CEP131: variants seen among roughly 807,000 people sequenced by gnomAD.
CEP131 encodes the protein centrosomal protein of 131 kDa.
A neutral mutation model predicts 136.8 loss-of-function variants in CEP131; 99 were observed. The observed-to-expected ratio is 0.72, with a 90% CI of 0.62 to 0.86. The LOEUF (loss-of-function observed/expected upper bound fraction) is 0.86, where lower values mean the gene tolerates loss of function less well. Ranked by LOEUF, CEP131 falls within the 40% of genes least tolerant of loss-of-function variation. CEP131 has a pLI of 0.00. For synonymous variants in CEP131, 646 were observed against 612.7 expected, an observed-to-expected ratio of 1.05 and a Z score of -0.80; for missense variants, 1,459 against 1,463.0, an observed-to-expected ratio of 1.00 and a Z score of 0.04.
chr17:81,211,203 G>T (rs575459665), intron 2 of CEP131, among the ~76,000 whole-genome samples: 1 of 152,242 alleles, frequency 6.6e-6, no homozygotes, highest in African/African-American at 2.4e-5. Flanking sequence ...CAGAGGCCCT[G>T]TGCAATTCCT....
chr17:81,219,922 A>G lies in CEP131; in HGVS notation c.135T>C (p.Ser45=). ...GCTCGCTGCCTGTGACCACGGAGAC[A>G]GAGCGGACGATGGGCTTGGTGGTGG... The part of the protein sequence containing the change: ...SAATTKPIVR[S]VSVVTGSEQK... The change falls in exon 2 of 26, where the codon TCT becomes TCC. Residue 45 remains serine (S), a synonymous_variant. Transcript: ENST00000450824. This position sits in a 1 kb window ranked among gnomAD's most constrained non-coding sequence, Gnocchi z 4.0. 1 of 1,611,324 alleles carries G rather than the reference A, an allele frequency of 6.2e-7. No homozygotes were observed. The highest frequency in any genetic ancestry group is 2.2e-5 in the East Asian group (1 of 44,578).
chr17:81,197,884 T>C lies in CEP131; in HGVS notation c.1475A>G (p.Asp492Gly), dbSNP rs368207688. The C allele has an allele frequency of 1.2e-6, 2 of 1,611,924 alleles. No homozygotes were observed. Among genetic ancestry groups the C allele is most frequent in the Non-Finnish European group, 1.7e-6 (2 of 1,179,250 alleles). ...RGRYAWASEE[D>G]DASSLTADNL... ...GTCAGCTGTCAGAGAGCTGGCGTCA[T>C]CCTCCTGTGGGACAGGAGCCCAGCA... is the stretch of plus-strand genomic sequence containing the variant. The change falls in exon 13 of 26, where the codon GAT becomes GGT. Residue 492 changes from aspartate (D) to glycine (G), a missense_variant. Physicochemically the swap from Asp to Gly is moderately conservative, Grantham distance 94. Around this residue, in one of 3 missense-constraint regions of CEP131, gnomAD observed 1,026 missense variants for 964.2 expected, o/e 1.06. Transcript: ENST00000450824.
At chr17:81,212,813 G>A (rs894010095) in intron 2 of CEP131, among the ~76,000 whole-genome samples, 1 of 152,170 alleles carries the variant, frequency 6.6e-6, no homozygotes, top group African/African-American at 2.4e-5. Flanking sequence ...ACATCAGTAG[G>A]ACGCACAACA....
In CEP131 at chr17:81,196,913, A is replaced by T; in HGVS notation, c.1773+17T>A. The stretch of plus-strand genomic sequence containing the variant: ...GAGGCTAGCAGGGCCCGGGATTAGC[A>T]GTGCCAGCAGCGTTACCAGCGCTCT... On this transcript the variant is annotated intron_variant, in intron 14 of 25. Coordinates refer to ENST00000450824, the MANE Select transcript of CEP131 (RefSeq NM_014984.4). 1 of 1,608,856 alleles carries T rather than the reference A, an allele frequency of 6.2e-7. No homozygotes were observed.
At chr17:81,190,532 T>C in intron 24 of CEP131, 107 bp downstream of exon 24, 1 of 1,354,392 alleles carries the variant, frequency 7.4e-7, no homozygotes, top group South Asian at 1.5e-5. Flanking sequence ...TGTCTCTGCA[T>C]CTCCTGGCCT....
chr17:81,211,188 G>A (rs2062125462), intron 2 of CEP131, among the ~76,000 whole-genome samples: 2 of 152,326 alleles, frequency 1.3e-5, no homozygotes, highest in South Asian at 2.1e-4. Flanking sequence ...TCCACGCTGG[G>A]GCCACAGAGG....
intron 1 of CEP131, 144 bp from the exon 2 acceptor site, chr17:81,220,217 G>T (rs958853978): frequency 3.5e-6 from 2 of 567,438 alleles, no homozygotes; most frequent in Non-Finnish European, 5.4e-6. Context: ...CACCCCTCTG[G>T]CTGGTGGCAG....
intron 3 of CEP131, 35 bp from the exon 4 acceptor site, chr17:81,207,274 G>C: frequency 6.2e-7 from 1 of 1,600,298 alleles, no homozygotes; most frequent in Non-Finnish European, 8.5e-7. Flanking sequence ...CAAGGAAAGA[G>C]TCACCAGCCG....
In CEP131 at chr17:81,189,709, C is replaced by T; in HGVS notation, c.*60G>A. 3.3e-6 allele frequency: 5 copies of T among 1,505,944 alleles called. No homozygotes were observed. Among genetic ancestry groups the T allele is most frequent in the South Asian group, 2.6e-5 (2 of 75,760 alleles). 93.3% of individuals were successfully genotyped at this position (1,505,944 alleles called of 1,614,324 possible). On this transcript the variant is annotated 3_prime_UTR_variant, in exon 26 of 26. Coordinates refer to ENST00000450824, the MANE Select transcript of CEP131 (RefSeq NM_014984.4). ...GTGGGCGTCCCTGTGGGCCTCTGGG[C>T]CCACGTCCAGCCTCTGTCCTCTGCC...
Position 81,196,702 on chromosome 17 carries a change from TG to T in CEP131, c.1897del (p.Gln633SerfsTer2). ...CTCTGCGCTCCCCGGGCCGCTCACC[TG>T]GTCAATGAAGGCCAAGTGCCGCTGG... ...TIQRHLAFID[Q>X]LIEDKKVLSE... On this transcript the variant is annotated frameshift_variant and splice_region_variant, in exon 15 of 26. Transcript: ENST00000450824. LOFTEE classifies it high-confidence loss of function. 1 of 1,604,618 alleles carries T rather than the reference TG, an allele frequency of 6.2e-7. No individual in the cohort carries two copies.
intron 2 of CEP131, among the ~76,000 whole-genome samples, chr17:81,211,083 C>T (rs1013216498): frequency 4.6e-5 from 7 of 152,204 alleles, no homozygotes; most frequent in African/African-American, 1.2e-4. Flanking sequence ...AAAGTACTCA[C>T]GGGCTTGGTC....
In CEP131 at chr17:81,207,140, G is replaced by A. The variant is rs922513966; in HGVS notation, c.372C>T (p.Ala124=). 21 of 1,612,790 alleles carry A rather than the reference G, an allele frequency of 1.3e-5. No homozygotes were observed. The African/African-American group carries it at 2.5e-4, about 19-fold the overall frequency. ...ACCACCTTACCAGGACGTTCCAGGT[G>A]GCTCCCTTCTCGCTGGGGGCTGTGC... The part of the protein sequence containing the change: ...SLSTAPSEKG[A]TWNVLDDQPR... The change falls in exon 4 of 26, where the codon GCC becomes GCT. Residue 124 remains alanine, a synonymous_variant. Coordinates refer to ENST00000450824, the MANE Select transcript of CEP131 (RefSeq NM_014984.4).
intron 5 of CEP131, among the ~76,000 whole-genome samples, chr17:81,205,414 G>GAA (rs2061983937): frequency 1.0e-5 from 1 of 95,854 alleles, no homozygotes; most frequent in African/African-American, 4.7e-5. Context: ...TGGGTGGGGG[G>GAA]TAGGAGGGGC....
chr17:81,203,793 T>A lies in CEP131; in HGVS notation c.516-186A>T. ...GCCTGCGCCCTGATGATGGGGTTCT[T>A]CCCAGGACAGGAAAGCTGGACCAGG... On this transcript the variant is annotated intron_variant, in intron 5 of 25. Transcript: ENST00000450824. The surrounding 1 kb of genome is among the most constrained non-coding windows in gnomAD (Gnocchi z 4.6). The A allele has an allele frequency of 1.7e-6, 1 of 578,832 alleles. No homozygotes were observed. The highest frequency in any genetic ancestry group is 3.1e-6 in the Non-Finnish European group (1 of 325,272). 35.9% of individuals were successfully genotyped at this position (578,832 alleles called of 1,614,324 possible).
chr17:81,210,518 C>G (rs113826694), intron 2 of CEP131, among the ~76,000 whole-genome samples: 3 of 151,976 alleles, frequency 2.0e-5, no homozygotes, highest in African/African-American at 7.3e-5. Context: ...TGCAGTGAGC[C>G]GAGATTGGGC....
In CEP131 at chr17:81,197,535, TGGGTACATGGTGAGGGACCAC is replaced by T. The variant is rs1199917266; in HGVS notation, c.1647+156_1647+176del. ...CCGTGGGGGGTGCTGCATAACTAGGTGGGTACATGGTGAGGGACCACCTCCTGCTGGGGGCCGGGTGGGGGC... is the reference window on the plus strand; with the variant it reads ...CCGTGGGGGGTGCTGCATAACTAGGTCTCCTGCTGGGGGCCGGGTGGGGGC... On this transcript the variant is annotated intron_variant, in intron 13 of 25. Coordinates refer to ENST00000450824, the MANE Select transcript of CEP131 (RefSeq NM_014984.4). The T allele has an allele frequency of 8.2e-5, 76 of 931,772 alleles. No homozygotes were observed. The African/African-American group carries it at 1.3e-3, about 16-fold the overall frequency. The allele number at this position is 931,772 out of a possible 1,614,324, so 57.7% of individuals were successfully genotyped here.
In CEP131 at chr17:81,196,757, G is replaced by A. The variant is rs907088497; in HGVS notation, c.1843C>T (p.Arg615Trp). The A allele has an allele frequency of 5.6e-6, 9 of 1,598,010 alleles. No individual in the cohort carries two copies. Among genetic ancestry groups the A allele is most frequent in the South Asian group, 4.5e-5 (4 of 89,036 alleles). Residue 615 changes from arginine to tryptophan, a missense_variant, in exon 15 of 26, where the codon CGG (arginine) becomes TGG (tryptophan). Around this residue, in one of 3 missense-constraint regions of CEP131, gnomAD observed 1,026 missense variants for 964.2 expected, o/e 1.06. Transcript: ENST00000450824. ...TEKALSRQLQ[R>W]QREHYEATIQ... is the part of the protein sequence containing the mutation. ...GTGGCCTCGTAGTGCTCCCTCTGCC[G>A]CTGCAGCTGCCGGCTCAGCGCCTTC...
intron 2 of CEP131, among the ~76,000 whole-genome samples, chr17:81,217,082 TC>T (rs1349804742): frequency 6.6e-6 from 1 of 152,106 alleles, no homozygotes; most frequent in East Asian, 1.9e-4. Context: ...CACAGTGATG[TC>T]TGTTCCCCAG....
intron 2 of CEP131, among the ~76,000 whole-genome samples, chr17:81,213,717 C>G (rs1404038747): frequency 1.3e-5 from 2 of 152,148 alleles, no homozygotes; most frequent in African/African-American, 4.8e-5. Flanking sequence ...CCAGAGAGCA[C>G]AGGGGATGGG....
Sources: allele counts gnomAD v4.1 joint callset (sites outside exome capture counted in the v4.1 genomes callset), GRCh38; gene constraint gnomAD v4.1.1; regional missense constraint gnomAD v4.1.1; non-coding constraint Gnocchi (gnomAD v3.1); transcripts MANE v1.5; gene names NCBI Gene and HGNC (gene_info 2026-07-23, HGNC 2026-07-21).